The following ARHGAP19 variants were observed in gnomAD, a reference collection of about 807,000 sequenced individuals.
ARHGAP19 encodes rho GTPase-activating protein 19.
In ARHGAP19, 48 loss-of-function variants were observed where a neutral mutation model predicts 60.9. That is an observed-to-expected ratio of 0.79 (90% confidence interval 0.62 to 1.00). The LOEUF (loss-of-function observed/expected upper bound fraction) is 1.00. Ranked by LOEUF, ARHGAP19 falls within the 50% of genes least tolerant of loss-of-function variation. The probability of loss-of-function intolerance (pLI) is 0.00; values close to 1 mark genes in which losing one functional copy is unlikely to be tolerated. For synonymous variants in ARHGAP19, 209 were observed against 215.5 expected, an observed-to-expected ratio of 0.97 and a Z score of 0.27; for missense variants, 562 against 597.2, an observed-to-expected ratio of 0.94 and a Z score of 0.61.
intron 8 of ARHGAP19, among the ~76,000 whole-genome samples, chr10:97,242,133 A>C (rs1474213027): frequency 6.6e-6 from 1 of 150,774 alleles, no homozygotes; most frequent in African/African-American, 2.4e-5. Context: ...AAAAGGAAAA[A>C]ATTTTAAAGT....
rs186630855 is a variant in ARHGAP19, at chr10:97,234,400, C to T, written c.1284+817G>A. Among the ~76,000 whole-genome samples the T allele has an allele frequency of 2.2e-3, 300 of 134,924 alleles. 1 individual carries two copies. The highest frequency in any genetic ancestry group is 3.9e-3 in the Middle Eastern group (1 of 258). The allele number at this position is 134,924 out of a possible 152,430, so 88.5% of individuals were successfully genotyped here. ...CAAACCTGCACATCCTGCACATGTA[C>T]CCAGAAATAAAAATTAAAAAAAAAA... On this transcript the variant is annotated intron_variant, in intron 9 of 11. Coordinates refer to ENST00000358531, the MANE Select transcript of ARHGAP19 (RefSeq NM_032900.6).
Position 97,264,895 on chromosome 10 carries a change from T to A in ARHGAP19, c.334A>T (p.Ile112Leu). The change falls in exon 3 of 12, where the codon ATA (isoleucine) becomes TTA (leucine). Residue 112 changes from isoleucine to leucine, a missense_variant. Physicochemically the swap from Ile to Leu is conservative, Grantham distance 5. Coordinates refer to ENST00000358531, the MANE Select transcript of ARHGAP19 (RefSeq NM_032900.6). The stretch of plus-strand genomic sequence containing the variant: ...TCCTCCGTCAGTGGGGACCCAAATA[T>A]CACTCCTTTTTCTGAAAAACCATAT... ...MSLKRKEKGV[I>L]FGSPLTEEGI... 6.2e-7 allele frequency: 1 copy of A among 1,613,172 alleles called. No homozygotes were observed. The highest frequency in any genetic ancestry group is 8.5e-7 in the Non-Finnish European group (1 of 1,179,202).
At chr10:97,260,408 T>G (rs777444229) in intron 4 of ARHGAP19, among the ~76,000 whole-genome samples, 10 of 151,608 alleles carry the variant, frequency 6.6e-5, no homozygotes, top group Non-Finnish European at 1.2e-4. Context: ...TGGGCGCCTG[T>G]AGTCCCAGCT....
chr10:97,273,517 C>T (rs1842987070), intron 1 of ARHGAP19, among the ~76,000 whole-genome samples: 2 of 114,274 alleles, frequency 1.8e-5, no homozygotes, highest in Admixed American at 1.2e-4. Context: ...GAGACAGAGA[C>T]TCTCTCTGTC....
At chr10:97,274,987 C>T (rs1843005393) in intron 1 of ARHGAP19, 1 of 152,348 alleles carries the variant, frequency 6.6e-6, no homozygotes, top group African/African-American at 2.4e-5. Flanking sequence ...CGGGGCTCTC[C>T]TGCCCACTGC....
At chr10:97,281,756 G>A (rs1456418078) in intron 1 of ARHGAP19, among the ~76,000 whole-genome samples, 1 of 152,248 alleles carries the variant, frequency 6.6e-6, no homozygotes, top group Non-Finnish European at 1.5e-5. Context: ...GCATGATACA[G>A]ACAATAAAGG....
chr10:97,266,816 G>GA (rs1296711773), intron 1 of ARHGAP19, among the ~76,000 whole-genome samples: 7 of 151,898 alleles, frequency 4.6e-5, no homozygotes, highest in East Asian at 1.9e-4. Flanking sequence ...TTCACGCAGG[G>GA]AAAAAAACCA....
chr10:97,268,195 A>T (rs573843026), intron 1 of ARHGAP19, among the ~76,000 whole-genome samples: 6 of 152,356 alleles, frequency 3.9e-5, no homozygotes, highest in Non-Finnish European at 2.9e-5. Context: ...CTCTTTGCAT[A>T]GCAAGGGTGA....
At chr10:97,285,088 C>T in intron 1 of ARHGAP19, among the ~76,000 whole-genome samples, 1 of 151,856 alleles carries the variant, frequency 6.6e-6, no homozygotes, top group East Asian at 1.9e-4. Flanking sequence ...TGGTCTTAAA[C>T]TCCTGACCTC....
Position 97,265,845 on chromosome 10 carries a change from A to G in ARHGAP19, c.322+15T>C. ...CAGCTGAGGCCTGCCCACCCTTCAC[A>G]AACACATCTCCTACCCTTTCGCTTG... On this transcript the variant is annotated intron_variant, in intron 2 of 11. Coordinates refer to ENST00000358531, the MANE Select transcript of ARHGAP19 (RefSeq NM_032900.6). 1 of 1,612,396 alleles carries G rather than the reference A, an allele frequency of 6.2e-7. No individual in the cohort carries two copies. Among genetic ancestry groups the G allele is most frequent in the Non-Finnish European group, 8.5e-7 (1 of 1,178,626 alleles).
intron 9 of ARHGAP19, among the ~76,000 whole-genome samples, chr10:97,233,066 T>C (rs1851055768): frequency 6.6e-6 from 1 of 152,014 alleles, no homozygotes; most frequent in African/African-American, 2.4e-5. Context: ...GAAGAATCAC[T>C]TGAACCCTGG....
At position 97,244,136 on chromosome 10, in the gene ARHGAP19, T is replaced by C. The variant is rs566602798; in HGVS notation, c.1017A>G (p.Ser339=). 3.1e-6 allele frequency: 5 copies of C among 1,612,802 alleles called. No individual in the cohort carries two copies. The highest frequency in any genetic ancestry group is 4.2e-6 in the Non-Finnish European group (5 of 1,179,600). Residue 339 remains serine (S), a synonymous_variant, in exon 8 of 12, where the codon TCA becomes TCG. Coordinates refer to ENST00000358531, the MANE Select transcript of ARHGAP19 (RefSeq NM_032900.6). The stretch of plus-strand genomic sequence containing the variant: ...CCAGCTGAAAGGACTTAGTATGACA[T>C]GAAGCTATGAGGTCAAGGTCATCCT... ...ASKDDLDLIA[S]CHTKSFQLAK... is the part of the protein sequence containing the mutation.
intron 8 of ARHGAP19, among the ~76,000 whole-genome samples, chr10:97,240,990 A>G (rs1842470476): frequency 6.6e-6 from 1 of 152,170 alleles, no homozygotes; most frequent in Admixed American, 6.5e-5. Flanking sequence ...AATCATGGAG[A>G]AAAAATTAGA....
At chr10:97,270,649 G>C in intron 1 of ARHGAP19, 1 of 1,548,348 alleles carries the variant, frequency 6.5e-7, no homozygotes, top group East Asian at 2.4e-5. Context: ...AAATCGAAGA[G>C]ACAGGAAGAA....
chr10:97,230,841 G>A (rs542342617), intron 9 of ARHGAP19, among the ~76,000 whole-genome samples: 10 of 152,210 alleles, frequency 6.6e-5, no homozygotes, highest in African/African-American at 2.4e-4. Context: ...TGAGGCGGGT[G>A]AATCGCTGGA....
chr10:97,260,396 G>C (rs1842814992), intron 4 of ARHGAP19, among the ~76,000 whole-genome samples: 1 of 151,750 alleles, frequency 6.6e-6, no homozygotes, highest in African/African-American at 2.4e-5. Context: ...CCAGCATGGT[G>C]GTGGGCGCCT....
chr10:97,259,072 G>C (rs993582248), intron 5 of ARHGAP19, among the ~76,000 whole-genome samples: 8 of 152,296 alleles, frequency 5.3e-5, no homozygotes, highest in Middle Eastern at 3.4e-3. Context: ...AAACTAATTT[G>C]ATTTCCCAAG....
chr10:97,264,157 C>T (rs1207173662), intron 3 of ARHGAP19, among the ~76,000 whole-genome samples: 4 of 152,160 alleles, frequency 2.6e-5, no homozygotes, highest in African/African-American at 9.7e-5. Context: ...CCCAACTAAA[C>T]TATTCGTCCC....
intron 8 of ARHGAP19, among the ~76,000 whole-genome samples, chr10:97,239,489 G>A (rs190928138): frequency 8.9e-4 from 124 of 138,552 alleles, no homozygotes; most frequent in Non-Finnish European, 8.4e-4. Context: ...ATGACAGAGC[G>A]AGACTCCGTC....
Sources: gnomAD v4.1 joint callset for allele counts (sites outside exome capture counted in the v4.1 genomes callset) on GRCh38, gnomAD v4.1.1 for gene constraint, MANE v1.5 for transcripts, NCBI Gene and HGNC (gene_info 2026-07-23, HGNC 2026-07-21) for gene names.